ASXL1: variants seen among roughly 807,000 people sequenced by gnomAD.
ASXL1 encodes polycomb group protein ASXL1.
In ASXL1, 65 loss-of-function variants were observed where a neutral mutation model predicts 89.1. The ratio of observed to expected loss-of-function variants is 0.73; its 90% CI spans 0.60 to 0.90. ASXL1 has a LOEUF of 0.90. ASXL1 is among the 40% of genes least tolerant of loss of function. The pLI is 0.00. For synonymous variants in ASXL1, 739 were observed against 746.9 expected (o/e 0.99, Z 0.17); for missense variants, 1,786 against 1,942.9 (o/e 0.92, Z 1.52).
At position 32,433,854 on chromosome 20, in the gene ASXL1, T is replaced by C. The variant is rs1414199251; in HGVS notation, c.1656T>C (p.Ile552=). Residue 552 remains isoleucine, a synonymous_variant, in exon 12 of 13, where the codon ATT becomes ATC. Coordinates refer to ENST00000375687, the MANE Select transcript of ASXL1 (RefSeq NM_015338.6). Reference sequence around the variant, plus strand: ...ATCGTCAGTCCTTTCGTAACACAATTGAAAGTGTTCACACCGAAAAGCCAC... The same window carrying C: ...ATCGTCAGTCCTTTCGTAACACAATCGAAAGTGTTCACACCGAAAAGCCAC... ...LEDRQSFRNT[I]ESVHTEKPQP... 5 of 1,613,856 alleles carry C rather than the reference T, an allele frequency of 3.1e-6. No individual in the cohort carries two copies. The highest frequency in any genetic ancestry group is 4.2e-6 in the Non-Finnish European group (5 of 1,180,034).
rs748962852 is a variant in ASXL1 at position 32,429,314 on chromosome 20, C to T, written c.472-24C>T. 6.2e-7 allele frequency: 1 copy of T among 1,612,056 alleles called. No homozygotes were observed. Among genetic ancestry groups the T allele is most frequent in the Non-Finnish European group, 8.5e-7 (1 of 1,178,548 alleles). ...TGGCTCTGCAGTTGACTTGGGCTCT[C>T]TTTTGTTCTCTCTTGGAACGCAGGC... On this transcript the variant is annotated intron_variant, in intron 6 of 12. Coordinates refer to ENST00000375687, the MANE Select transcript of ASXL1 (RefSeq NM_015338.6). This position sits in a 1 kb window ranked among gnomAD's most constrained non-coding sequence, Gnocchi z 4.9.
Position 32,429,821 on chromosome 20 carries a change from A to T in ASXL1, c.566-80A>T, listed in dbSNP as rs2123220302. 1 of 1,547,014 alleles carries T rather than the reference A, an allele frequency of 6.5e-7. No individual in the cohort carries two copies. The highest frequency in any genetic ancestry group is 8.8e-7 in the Non-Finnish European group (1 of 1,141,576). ...GTATTGCTGGCAGCATCTCAGGGAG[A>T]GCTGGGAGAAATGAGCTTGTCTGAG... On this transcript the variant is annotated intron_variant, in intron 7 of 12. Transcript: ENST00000375687. This position sits in a 1 kb window ranked among gnomAD's most constrained non-coding sequence, Gnocchi z 4.9.
At chr20:32,402,424 T>C (rs1478429978) in intron 4 of ASXL1, among the ~76,000 whole-genome samples, 1 of 152,242 alleles carries the variant, frequency 6.6e-6, no homozygotes, top group Non-Finnish European at 1.5e-5. Context: ...AACATTTGCA[T>C]GCAGATTTTA....
rs2123234652 is a variant in ASXL1, at chr20:32,431,403, G to A, written c.801G>A (p.Leu267=). The A allele has an allele frequency of 6.2e-7, 1 of 1,614,200 alleles. No individual in the cohort carries two copies. The highest frequency in any genetic ancestry group is 2.2e-5 in the East Asian group (1 of 44,890). Reference sequence around the variant, plus strand: ...TTGTCAACACCAACCTCCGTGCCCTGATCAACTCTCGGACCTTCCATGCCT... The same window carrying A: ...TTGTCAACACCAACCTCCGTGCCCTAATCAACTCTCGGACCTTCCATGCCT... ...SILVNTNLRA[L]INSRTFHALP... is the part of the protein sequence containing the mutation. Residue 267 remains leucine (L), a synonymous_variant, in exon 9 of 13, where the codon CTG becomes CTA. Coordinates refer to ENST00000375687, the MANE Select transcript of ASXL1 (RefSeq NM_015338.6).
Position 32,434,892 on chromosome 20 carries a change from A to G in ASXL1, c.2180A>G (p.Glu727Gly). Residue 727 changes from glutamate (E) to glycine (G), a missense_variant, in exon 13 of 13, where the codon GAG becomes GGG. Transcript: ENST00000375687. ...GAGGACCTGCCTTCTCTGAGAAAGG[A>G]GGAAAGCTGCCTACTACAGAGGGCT... Reference protein sequence around the residue: ...RREDLPSLRKEESCLLQRATV... With the variant: ...RREDLPSLRKGESCLLQRATV... The G allele has an allele frequency of 1.2e-6, 2 of 1,614,168 alleles. No homozygotes were observed. The highest frequency in any genetic ancestry group is 1.7e-6 in the Non-Finnish European group (2 of 1,180,022).
At chr20:32,386,818 C>T (rs973245400) in intron 4 of ASXL1, among the ~76,000 whole-genome samples, 10 of 149,892 alleles carry the variant, frequency 6.7e-5, no homozygotes, top group East Asian at 1.9e-4. Context: ...TACCTCTCCC[C>T]GAAAGTTTTT....
chr20:32,382,704 T>C (rs1336471552), intron 4 of ASXL1, among the ~76,000 whole-genome samples: 3 of 151,982 alleles, frequency 2.0e-5, no homozygotes, highest in African/African-American at 7.3e-5. Flanking sequence ...AAGGATTGCT[T>C]GAGCCTGGGA....
At chr20:32,406,156 A>T (rs2048951165) in intron 4 of ASXL1, among the ~76,000 whole-genome samples, 1 of 152,136 alleles carries the variant, frequency 6.6e-6, no homozygotes, top group Non-Finnish European at 1.5e-5. Flanking sequence ...TCTTTATCTA[A>T]ATATGTTGAA....
chr20:32,358,947 G>A, intron 1 of ASXL1, 115 bp downstream of exon 1: 1 of 1,137,336 alleles, frequency 8.8e-7, no homozygotes, highest in Non-Finnish European at 1.2e-6. Flanking sequence ...AGGGGGCGGG[G>A]CCATCTTCCT....
Position 32,429,222 on chromosome 20 carries a change from C to A in ASXL1, c.472-116C>A, listed in dbSNP as rs2123216374. The A allele has an allele frequency of 4.0e-6, 4 of 1,002,078 alleles. No individual in the cohort carries two copies. Among genetic ancestry groups the A allele is most frequent in the Non-Finnish European group, 4.6e-6 (3 of 648,062 alleles). The allele number at this position is 1,002,078 out of a possible 1,614,324, so 62.1% of individuals were successfully genotyped here. A position where few individuals can be genotyped will look rare whatever the true frequency, so the allele number is the denominator to read the frequency against. ...CTCTTGTCAGCATTATTTGACAGATCTGGTTGAAGACGAACTTCATTTTAC... is the reference window on the plus strand; with the variant it reads ...CTCTTGTCAGCATTATTTGACAGATATGGTTGAAGACGAACTTCATTTTAC... On this transcript the variant is annotated intron_variant, in intron 6 of 12. Transcript: ENST00000375687. This position sits in a 1 kb window ranked among gnomAD's most constrained non-coding sequence, Gnocchi z 4.9.
At chr20:32,386,054 CCTTA>C (rs1234003491) in intron 4 of ASXL1, among the ~76,000 whole-genome samples, 5 of 152,200 alleles carry the variant, frequency 3.3e-5, no homozygotes, top group Non-Finnish European at 5.9e-5. Flanking sequence ...TGTGTCCAAA[CCTTA>C]CTTGTTATCA....
intron 2 of ASXL1, among the ~76,000 whole-genome samples, chr20:32,367,131 A>T (rs2122818350): frequency 6.6e-6 from 1 of 150,994 alleles, no homozygotes; most frequent in East Asian, 1.9e-4. Flanking sequence ...TAATCCCAGC[A>T]CTTTGGGAGG....
At chr20:32,408,619 C>G (rs1470520925) in intron 4 of ASXL1, among the ~76,000 whole-genome samples, 2 of 152,140 alleles carry the variant, frequency 1.3e-5, no homozygotes, top group Non-Finnish European at 2.9e-5. Flanking sequence ...GTGACGCAGT[C>G]CTAGCTTACT....
At chr20:32,371,053 C>T (rs1200242011) in intron 4 of ASXL1, among the ~76,000 whole-genome samples, 1 of 149,552 alleles carries the variant, frequency 6.7e-6, no homozygotes, top group Non-Finnish European at 1.5e-5. Flanking sequence ...AGGAGGGTAG[C>T]TTGGAGATGG....
chr20:32,413,909 G>A (rs904951319), intron 4 of ASXL1, among the ~76,000 whole-genome samples: 1 of 152,176 alleles, frequency 6.6e-6, no homozygotes, highest in Non-Finnish European at 1.5e-5. Flanking sequence ...TGCTTCTAGA[G>A]AACAGGTGCC....
At chr20:32,431,284 A>G in intron 8 of ASXL1, 37 bp from the exon 9 acceptor site, 1 of 1,614,066 alleles carries the variant, frequency 6.2e-7, no homozygotes, top group East Asian at 2.2e-5. Context: ...TTTTCTTTTA[A>G]AAAGCTGAAA....
chr20:32,396,655 C>T (rs954184576), intron 4 of ASXL1, among the ~76,000 whole-genome samples: 1 of 152,212 alleles, frequency 6.6e-6, no homozygotes, highest in African/African-American at 2.4e-5. Context: ...GTACAGACTA[C>T]TGTCAGAATA....
At chr20:32,368,685 T>C (rs995651993) in intron 3 of ASXL1, among the ~76,000 whole-genome samples, 1 of 152,190 alleles carries the variant, frequency 6.6e-6, no homozygotes, top group African/African-American at 2.4e-5. Context: ...TACTAAAAAT[T>C]TATTAACTTA....
intron 4 of ASXL1, among the ~76,000 whole-genome samples, chr20:32,393,633 G>A (rs2048710983): frequency 6.6e-6 from 1 of 151,636 alleles, no homozygotes; most frequent in African/African-American, 2.4e-5. Flanking sequence ...CACCACACCC[G>A]GCTAATTTTT....
Sources: allele counts gnomAD v4.1 joint callset (sites outside exome capture counted in the v4.1 genomes callset), GRCh38; gene constraint gnomAD v4.1.1; non-coding constraint Gnocchi (gnomAD v3.1); transcripts MANE v1.5; gene names NCBI Gene and HGNC (gene_info 2026-07-23, HGNC 2026-07-21).